SYNPO2: variants seen among roughly 807,000 people sequenced by gnomAD.
SYNPO2 encodes synaptopodin 2.
A neutral mutation model predicts 85.0 loss-of-function variants in SYNPO2; 56 were observed. The ratio of observed to expected loss-of-function variants is 0.66; its 90% CI spans 0.53 to 0.82. SYNPO2 has a LOEUF of 0.82. SYNPO2 is among the 40% of genes least tolerant of loss of function. The pLI is 0.00. For synonymous variants in SYNPO2, 602 were observed against 591.1 expected (o/e 1.02, Z -0.27); for missense variants, 1,575 against 1,534.2 (o/e 1.03, Z -0.44).
At chr4:118,929,185 G>C (rs1733836827) in intron 1 of SYNPO2, among the ~76,000 whole-genome samples, 1 of 152,028 alleles carries the variant, frequency 6.6e-6, no homozygotes, top group African/African-American at 2.4e-5. Context: ...TGGAGGGAAA[G>C]AGAGAAAGGA....
intron 1 of SYNPO2, among the ~76,000 whole-genome samples, chr4:119,011,920 C>CTTTTT (rs548974684): frequency 6.4e-5 from 7 of 109,622 alleles, no homozygotes; most frequent in Non-Finnish European, 1.1e-4. Context: ...TTTCTATAGA[C>CTTTTT]TTTTTTTTTT....
In SYNPO2 at chr4:119,032,016, G is replaced by A; in HGVS notation, c.3241G>A (p.Val1081Ile). 2 of 1,614,096 alleles carry A rather than the reference G, an allele frequency of 1.2e-6. No homozygotes were observed. The highest frequency in any genetic ancestry group is 1.6e-4 in the Middle Eastern group (1 of 6,062). ...RPKFSAKKSG[V>I]TIQESGRSLS... ...AAAGTTCTCAGCCAAGAAAAGTGGT[G>A]TCACAATTCAGGTGTGGAAACCATC... The change falls in exon 4 of 5, where the codon GTC becomes ATC. Residue 1081 changes from valine (V) to isoleucine (I), a missense_variant. Transcript: ENST00000307142.
chr4:118,914,464 T>C (rs115500912), intron 1 of SYNPO2, among the ~76,000 whole-genome samples: 478 of 152,256 alleles, frequency 3.1e-3, no homozygotes, highest in Non-Finnish European at 5.9e-3. Context: ...ATTAGAAAGA[T>C]AGAAAGAGGA....
chr4:118,914,865 T>C (rs1318332938), intron 1 of SYNPO2, among the ~76,000 whole-genome samples: 1 of 152,066 alleles, frequency 6.6e-6, no homozygotes, highest in Non-Finnish European at 1.5e-5. Flanking sequence ...GACAGGGTAG[T>C]TACTCTTGTA....
intron 1 of SYNPO2, among the ~76,000 whole-genome samples, chr4:118,895,715 G>C (rs902684606): frequency 1.3e-5 from 2 of 152,190 alleles, no homozygotes; most frequent in Admixed American, 6.5e-5. Flanking sequence ...CACAGGAAAT[G>C]CAAGGATCCT....
chr4:118,878,955 G>A (rs923770372), intron 1 of SYNPO2, among the ~76,000 whole-genome samples: 15 of 152,302 alleles, frequency 9.8e-5, no homozygotes, highest in African/African-American at 2.4e-4. Context: ...CTACCTCTAA[G>A]AGCTGTAACA....
At chr4:119,042,098 AGGC>A in intron 4 of SYNPO2, 1 of 127,652 alleles carries the variant, frequency 7.8e-6, no homozygotes, top group Non-Finnish European at 1.7e-5. Flanking sequence ...AGGAACAGGC[AGGC>A]GCTGAAGCAC....
At chr4:118,885,203 C>A (rs1165935807), upstream of SYNPO2, among the ~76,000 whole-genome samples, 1 of 152,148 alleles carries the variant, frequency 6.6e-6, no homozygotes, top group Non-Finnish European at 1.5e-5. Context: ...TAGTGGGAGG[C>A]AGAAAGTGTT....
chr4:118,899,214 A>G (rs934160426), intron 1 of SYNPO2, among the ~76,000 whole-genome samples: 2 of 152,252 alleles, frequency 1.3e-5, no homozygotes, highest in Admixed American at 1.3e-4. Flanking sequence ...GGGTGTATGT[A>G]CATATATATA....
rs1738294575 is a variant in SYNPO2 at position 119,031,980 on chromosome 4, G to T, written c.3205G>T (p.Ala1069Ser). ...ATCAGCCTCATCATCTTATTTTGTGGCACCAAGGCCAAAGTTCTCAGCCAA... is the reference window on the plus strand; with the variant it reads ...ATCAGCCTCATCATCTTATTTTGTGTCACCAAGGCCAAAGTTCTCAGCCAA... ...QESASSSYFVAPRPKFSAKKS... is the reference protein window; with the variant it reads ...QESASSSYFVSPRPKFSAKKS... Residue 1069 changes from alanine to serine, a missense_variant, in exon 4 of 5, where the codon GCA (alanine) becomes TCA (serine). Around this residue, in one of 3 missense-constraint regions of SYNPO2, gnomAD observed 1,508 missense variants for 1,446.8 expected, o/e 1.04. Coordinates refer to ENST00000307142, the MANE Select transcript of SYNPO2 (RefSeq NM_133477.3). 6.2e-7 allele frequency: 1 copy of T among 1,614,170 alleles called. No homozygotes were observed. Among genetic ancestry groups the T allele is most frequent in the Non-Finnish European group, 8.5e-7 (1 of 1,180,044 alleles).
intron 1 of SYNPO2, among the ~76,000 whole-genome samples, chr4:118,883,592 G>A (rs539134236): frequency 5.3e-5 from 8 of 152,280 alleles, no homozygotes; most frequent in East Asian, 1.9e-4. Context: ...ATAAAATAAA[G>A]TATCTGATAC....
chr4:118,980,339 T>A (rs1348169376), intron 1 of SYNPO2, among the ~76,000 whole-genome samples: 1 of 152,190 alleles, frequency 6.6e-6, no homozygotes, highest in Non-Finnish European at 1.5e-5. Flanking sequence ...TCCGGACTAT[T>A]CCTTGACCAG....
chr4:119,037,534 G>A (rs970039831), intron 4 of SYNPO2: 2 of 995,188 alleles, frequency 2.0e-6, no homozygotes, highest in Non-Finnish European at 2.4e-6. Flanking sequence ...CAATAATCAA[G>A]GCCATGCAAC....
rs113888128 is a variant in SYNPO2 at position 119,030,605 on chromosome 4, G to A, written c.1830G>A (p.Thr610=). 1.2e-5 allele frequency: 19 copies of A among 1,613,910 alleles called. No individual in the cohort carries two copies. In the African/African-American group the frequency reaches 1.7e-4, roughly 15 times the overall value. ...ATPFSPTRNM[T]SPIADFPAPP... The stretch of plus-strand genomic sequence containing the variant: ...CCTTCTCGCCAACCCGAAACATGAC[G>A]AGTCCCATTGCTGACTTTCCTGCAC... Residue 610 remains threonine, a synonymous_variant, in exon 4 of 5, where the codon ACG becomes ACA. Transcript: ENST00000307142.
At chr4:119,041,690 A>C (rs1578672246) in intron 4 of SYNPO2, among the ~76,000 whole-genome samples, 1 of 152,348 alleles carries the variant, frequency 6.6e-6, no homozygotes, top group East Asian at 1.9e-4. Flanking sequence ...TAGAACTTTT[A>C]ATTTTAATTT....
In SYNPO2 at chr4:118,888,919, C is replaced by G. The variant is rs896454644; in HGVS notation, c.-118C>G. On this transcript the variant is annotated 5_prime_UTR_variant, in exon 1 of 5. Transcript: ENST00000307142. ...AGCGGCTGCAGCAGCGGCGGACGCTCTGCATTACCCAGTCTTGCGTCCTCG... is the reference window on the plus strand; with the variant it reads ...AGCGGCTGCAGCAGCGGCGGACGCTGTGCATTACCCAGTCTTGCGTCCTCG... 8.7e-5 allele frequency: 86 copies of G among 992,402 alleles called. No individual in the cohort carries two copies. The highest frequency in any genetic ancestry group is 1.3e-4 in the Non-Finnish European group (84 of 647,216). 61.5% of individuals were successfully genotyped at this position (992,402 alleles called of 1,614,324 possible).
chr4:119,057,315 T>A (rs1372518612), intron 4 of SYNPO2, 86 bp from the exon 5 acceptor site: 2 of 1,319,940 alleles, frequency 1.5e-6, no homozygotes. Context: ...TTTGCAGTGC[T>A]TGGTAATGGT....
intron 1 of SYNPO2, among the ~76,000 whole-genome samples, chr4:119,014,251 T>C (rs182581604): frequency 6.6e-6 from 1 of 152,274 alleles, no homozygotes; most frequent in East Asian, 1.9e-4. Flanking sequence ...TTATCTCTAC[T>C]AAAAATACAA....
In SYNPO2 at chr4:119,053,090, A is replaced by G. The variant is rs77877803; in HGVS notation, c.3253-4311A>G. Among the ~76,000 whole-genome samples, 918 of 152,062 alleles carry G rather than the reference A, an allele frequency of 6.0e-3. 9 individuals are homozygous for G. The highest frequency in any genetic ancestry group is 0.017 in the Middle Eastern group (5 of 294). On this transcript the variant is annotated intron_variant, in intron 4 of 4. Coordinates refer to ENST00000307142, the MANE Select transcript of SYNPO2 (RefSeq NM_133477.3). ...ATTCAAACTCCAAAACAAAAGAAAC[A>G]CCTCTGTTACTTTCAGGTTCCTTTG...
Sources: gnomAD v4.1 joint callset for allele counts (sites outside exome capture counted in the v4.1 genomes callset) on GRCh38, gnomAD v4.1.1 for gene constraint, gnomAD v4.1.1 regional missense constraint, MANE v1.5 for transcripts, NCBI Gene and HGNC (gene_info 2026-07-23, HGNC 2026-07-21) for gene names.